Variants in KCNQ1OT1 observed in about 807,000 individuals in gnomAD.
The protein encoded by KCNQ1OT1 is KCNQ1 antisense RNA 2 (non-protein coding).
Position 2,654,019 on chromosome 11 carries a change from A to T in KCNQ1OT1, n.45976T>A. On this transcript the variant is annotated non_coding_transcript_exon_variant, in exon 1 of 1. Coordinates refer to ENST00000597346, the Ensembl canonical transcript of KCNQ1OT1. This position sits in a 1 kb window ranked among gnomAD's most constrained non-coding sequence, Gnocchi z 6.4. ...GTGCCAGCTGTGAATATACATTTTCACTCCATTCCTCGCCTTGTTCCTGGC... is the reference window on the plus strand; with the variant it reads ...GTGCCAGCTGTGAATATACATTTTCTCTCCATTCCTCGCCTTGTTCCTGGC... 2.5e-6 allele frequency: 1 copy of T among 398,564 alleles called. No individual in the cohort carries two copies. 24.7% of individuals were successfully genotyped at this position (398,564 alleles called of 1,614,324 possible). A position where few individuals can be genotyped will look rare whatever the true frequency, so the allele number is the denominator to read the frequency against.
Position 2,623,598 on chromosome 11 carries a change from T to C in KCNQ1OT1, n.76397A>G, listed in dbSNP as rs1849211047. 3 of 398,506 alleles carry C rather than the reference T, an allele frequency of 7.5e-6. No homozygotes were observed. Among genetic ancestry groups the C allele is most frequent in the Non-Finnish European group, 1.3e-5 (3 of 226,058 alleles). 24.7% of individuals were successfully genotyped at this position (398,506 alleles called of 1,614,324 possible). A position where few individuals can be genotyped will look rare whatever the true frequency, so the allele number is the denominator to read the frequency against. On this transcript the variant is annotated non_coding_transcript_exon_variant, in exon 1 of 1. Transcript: ENST00000597346. The surrounding 1 kb of genome is among the most constrained non-coding windows in gnomAD (Gnocchi z 5.2). ...ACCTCCATATCTTTTCATGGCTTGA[T>C]AGCTCATTTCTATTTAGTGATGAAT...
At position 2,654,432 on chromosome 11, in the gene KCNQ1OT1, A is replaced by G; in HGVS notation, n.45563T>C. 2.5e-6 allele frequency: 1 copy of G among 398,690 alleles called. No homozygotes were observed. Among genetic ancestry groups the G allele is most frequent in the Non-Finnish European group, 4.4e-6 (1 of 226,150 alleles). 24.7% of individuals were successfully genotyped at this position (398,690 alleles called of 1,614,324 possible). ...CCCTGGGGAGACATGGGTGAGGCAG[A>G]AGGCAAGGTTCCCGTGCTGAGCGCC... On this transcript the variant is annotated non_coding_transcript_exon_variant, in exon 1 of 1. Transcript: ENST00000597346. The surrounding 1 kb of genome is among the most constrained non-coding windows in gnomAD (Gnocchi z 6.4).
chr11:2,681,970 C>T (rs1251273948), exon 1 of KCNQ1OT1: 3 of 398,458 alleles, frequency 7.5e-6, no homozygotes, highest in Admixed American at 8.8e-5. Context: ...TTCCTGTTTG[C>T]CAGGCAAATA....
At position 2,668,981 on chromosome 11, in the gene KCNQ1OT1, G is replaced by A. The variant is rs944474690; in HGVS notation, n.31014C>T. 2.8e-5 allele frequency: 11 copies of A among 398,438 alleles called. No individual in the cohort carries two copies. Among genetic ancestry groups the A allele is most frequent in the Non-Finnish European group, 4.4e-5 (10 of 226,082 alleles). 24.7% of individuals were successfully genotyped at this position (398,438 alleles called of 1,614,324 possible). ...GGATTGATTTTTGTGTCCAATGTGA[G>A]GCCGAGGTCAAGGTCCACTCTTCCC... is the stretch of plus-strand genomic sequence containing the variant. On this transcript the variant is annotated non_coding_transcript_exon_variant, in exon 1 of 1. Coordinates refer to ENST00000597346, the Ensembl canonical transcript of KCNQ1OT1. The surrounding 1 kb of genome is among the most constrained non-coding windows in gnomAD (Gnocchi z 4.3).
rs1217640514 is a variant in KCNQ1OT1 at position 2,647,207 on chromosome 11, C to T, written n.52788G>A. The T allele has an allele frequency of 2.5e-6, 1 of 398,248 alleles. No homozygotes were observed. The highest frequency in any genetic ancestry group is 4.4e-6 in the Non-Finnish European group (1 of 225,976). 24.7% of individuals were successfully genotyped at this position (398,248 alleles called of 1,614,324 possible). A position where few individuals can be genotyped will look rare whatever the true frequency, so the allele number is the denominator to read the frequency against. ...AAGAGATTTTGAATTTTATCAGATGCTTTTTCTGCATCTATTGAGATGATC... is the reference window on the plus strand; with the variant it reads ...AAGAGATTTTGAATTTTATCAGATGTTTTTTCTGCATCTATTGAGATGATC... On this transcript the variant is annotated non_coding_transcript_exon_variant, in exon 1 of 1. Coordinates refer to ENST00000597346, the Ensembl canonical transcript of KCNQ1OT1. The surrounding 1 kb of genome is among the most constrained non-coding windows in gnomAD (Gnocchi z 4.0).
In KCNQ1OT1 at chr11:2,668,590, A is replaced by G. The variant is rs577044796; in HGVS notation, n.31405T>C. The stretch of plus-strand genomic sequence containing the variant: ...ATGTTATCATTTAGTCAGATACATC[A>G]TTCTGTATAAATTGCCTACATCTTC... On this transcript the variant is annotated non_coding_transcript_exon_variant, in exon 1 of 1. Transcript: ENST00000597346. The surrounding 1 kb of genome is among the most constrained non-coding windows in gnomAD (Gnocchi z 4.3). 6.8e-5 allele frequency: 27 copies of G among 398,610 alleles called. No individual in the cohort carries two copies. In the South Asian group the frequency reaches 1.3e-3, roughly 19 times the overall value. The allele number at this position is 398,610 out of a possible 1,614,324, so 24.7% of individuals were successfully genotyped here.
chr11:2,671,570 C>G lies in KCNQ1OT1; in HGVS notation n.28425G>C, dbSNP rs141280288. ...TGACTTATCTCCTAAGTCTTTGGCA[C>G]TGAGCATTTATACAAGATCAGACTG... On this transcript the variant is annotated non_coding_transcript_exon_variant, in exon 1 of 1. Transcript: ENST00000597346. The surrounding 1 kb of genome is among the most constrained non-coding windows in gnomAD (Gnocchi z 4.7). 2.0e-5 allele frequency: 8 copies of G among 398,630 alleles called. No individual in the cohort carries two copies. In the East Asian group the frequency reaches 2.8e-4, roughly 14 times the overall value. The allele number at this position is 398,630 out of a possible 1,614,324, so 24.7% of individuals were successfully genotyped here.
At position 2,658,602 on chromosome 11, in the gene KCNQ1OT1, A is replaced by G. The variant is rs1369756521; in HGVS notation, n.41393T>C. The G allele has an allele frequency of 7.5e-6, 3 of 398,412 alleles. No homozygotes were observed. 24.7% of individuals were successfully genotyped at this position (398,412 alleles called of 1,614,324 possible). ...AGCCCTGGCTCCCTGGAGAATGAAT[A>G]GAAAACCTGGATCTAGGCACGGGGT... On this transcript the variant is annotated non_coding_transcript_exon_variant, in exon 1 of 1. Coordinates refer to ENST00000597346, the Ensembl canonical transcript of KCNQ1OT1. The surrounding 1 kb of genome is among the most constrained non-coding windows in gnomAD (Gnocchi z 4.9).
At chr11:2,689,872 T>C (rs983142577) in exon 1 of KCNQ1OT1, 13 of 398,642 alleles carry the variant, frequency 3.3e-5, no homozygotes, top group Non-Finnish European at 5.3e-5. Context: ...CCCCTGCCTA[T>C]CCAGCCCCAT....
exon 1 of KCNQ1OT1, chr11:2,655,438 A>T (rs1373259130): frequency 2.5e-6 from 1 of 398,594 alleles, no homozygotes; most frequent in Admixed American, 4.4e-5. Context: ...CACTCTAGGC[A>T]GTTCAGCAAA....
chr11:2,689,327 C>T (rs975758172), exon 1 of KCNQ1OT1: 3 of 398,682 alleles, frequency 7.5e-6, no homozygotes, highest in Non-Finnish European at 1.3e-5. Context: ...AGGACTGCCC[C>T]TATCCGCAGA....
At position 2,676,466 on chromosome 11, in the gene KCNQ1OT1, A is replaced by C. The variant is rs1257918221; in HGVS notation, n.23529T>G. The C allele has an allele frequency of 1.0e-5, 4 of 398,666 alleles. No individual in the cohort carries two copies. The highest frequency in any genetic ancestry group is 1.3e-5 in the Non-Finnish European group (3 of 226,082). 24.7% of individuals were successfully genotyped at this position (398,666 alleles called of 1,614,324 possible). A position where few individuals can be genotyped will look rare whatever the true frequency, so the allele number is the denominator to read the frequency against. On this transcript the variant is annotated non_coding_transcript_exon_variant, in exon 1 of 1. Transcript: ENST00000597346. The surrounding 1 kb of genome is among the most constrained non-coding windows in gnomAD (Gnocchi z 4.2). ...TGCTCACTGTTCTGCTCAGATTGTT[A>C]GCTGTAGTCTTTCTGGCATCAGTTC...
Position 2,652,401 on chromosome 11 carries a change from TC to T in KCNQ1OT1, n.47593del, listed in dbSNP as rs1849771477. 1 of 398,650 alleles carries T rather than the reference TC, an allele frequency of 2.5e-6. No individual in the cohort carries two copies. The highest frequency in any genetic ancestry group is 2.1e-5 in the African/African-American group (1 of 48,752). 24.7% of individuals were successfully genotyped at this position (398,650 alleles called of 1,614,324 possible). A position where few individuals can be genotyped will look rare whatever the true frequency, so the allele number is the denominator to read the frequency against. On this transcript the variant is annotated non_coding_transcript_exon_variant, in exon 1 of 1. Transcript: ENST00000597346. The surrounding 1 kb of genome is among the most constrained non-coding windows in gnomAD (Gnocchi z 5.9). ...CTTAATTAGATTAAAAACATTTTTT[TC>T]TTCCTGTGTAATTTTGTCTTGAAAA...
exon 1 of KCNQ1OT1, chr11:2,692,911 A>G (rs1850611547): frequency 2.5e-6 from 1 of 398,682 alleles, no homozygotes; most frequent in Non-Finnish European, 4.4e-6. Context: ...AATCAACTGT[A>G]GCATGGCCTA....
chr11:2,625,985 G>T (rs1849255473), exon 1 of KCNQ1OT1: 1 of 398,488 alleles, frequency 2.5e-6, no homozygotes, highest in Non-Finnish European at 4.4e-6. Context: ...CTCCCATTCT[G>T]TAGGTTGTCT....
chr11:2,670,514 A>AG lies in KCNQ1OT1; in HGVS notation n.29480dup, dbSNP rs1850164127. 6 of 397,706 alleles carry AG rather than the reference A, an allele frequency of 1.5e-5. No individual in the cohort carries two copies. Among genetic ancestry groups the AG allele is most frequent in the Admixed American group, 8.9e-5 (2 of 22,592 alleles). 24.6% of individuals were successfully genotyped at this position (397,706 alleles called of 1,614,324 possible). A position where few individuals can be genotyped will look rare whatever the true frequency, so the allele number is the denominator to read the frequency against. The stretch of plus-strand genomic sequence containing the variant: ...TAGTGGGCCTGTCCTCCCAGCTCAC[A>AG]GAAGGGGAAATTGAAGCCTCAAGAA... On this transcript the variant is annotated non_coding_transcript_exon_variant, in exon 1 of 1. Coordinates refer to ENST00000597346, the Ensembl canonical transcript of KCNQ1OT1. The surrounding 1 kb of genome is among the most constrained non-coding windows in gnomAD (Gnocchi z 4.9).
chr11:2,684,519 G>A lies in KCNQ1OT1; in HGVS notation n.15476C>T, dbSNP rs117013711. ...TTCTATTCCTCCTATTCCACTGTTA[G>A]GTGTTGGAAAAGCAATATATTTGAT... On this transcript the variant is annotated non_coding_transcript_exon_variant, in exon 1 of 1. Transcript: ENST00000597346. 2.9e-3 allele frequency: 1,170 copies of A among 398,624 alleles called. 21 individuals are homozygous for A. The East Asian group carries it at 0.041, about 14-fold the overall frequency. 24.7% of individuals were successfully genotyped at this position (398,624 alleles called of 1,614,324 possible). A position where few individuals can be genotyped will look rare whatever the true frequency, so the allele number is the denominator to read the frequency against.
At chr11:2,616,531 A>C (rs1206672798) in exon 1 of KCNQ1OT1, 5 of 397,792 alleles carry the variant, frequency 1.3e-5, no homozygotes, top group African/African-American at 2.1e-5. Flanking sequence ...CACAGCTATA[A>C]TTTTTCCTCT....
rs925162971 is a variant in KCNQ1OT1 at position 2,669,815 on chromosome 11, G to A, written n.30180C>T. On this transcript the variant is annotated non_coding_transcript_exon_variant, in exon 1 of 1. Transcript: ENST00000597346. This position sits in a 1 kb window ranked among gnomAD's most constrained non-coding sequence, Gnocchi z 5.6. ...CCTTATTTGGCCTGAGAGCTTTTGA[G>A]ACTGCCAGGTCATGAGTTACCATGG... 2 of 398,512 alleles carry A rather than the reference G, an allele frequency of 5.0e-6. No homozygotes were observed. The highest frequency in any genetic ancestry group is 4.4e-5 in the Admixed American group (1 of 22,712). 24.7% of individuals were successfully genotyped at this position (398,512 alleles called of 1,614,324 possible).
Sources: gnomAD v4.1 joint callset for allele counts on GRCh38, gnomAD v4.1.1 for gene constraint, Gnocchi (gnomAD v3.1) non-coding constraint, MANE v1.5 for transcripts, NCBI Gene and HGNC (gene_info 2026-07-23, HGNC 2026-07-21) for gene names.